The following FAT3 variants were observed in gnomAD, a reference collection of about 807,000 sequenced individuals.
The protein encoded by FAT3 is FAT atypical cadherin 3.
In FAT3, 95 loss-of-function variants were observed where a neutral mutation model predicts 310.2. The observed-to-expected ratio is 0.31, with a 90% confidence interval of 0.26 to 0.36. The LOEUF is 0.36. FAT3 is among the 10% of genes least tolerant of loss of function. FAT3 has a pLI of 1.00. For synonymous variants in FAT3, 2,314 were observed against 2,192.9 expected, an observed-to-expected ratio of 1.06 and a Z score of -1.54; for missense variants, 5,408 against 5,715.6, an observed-to-expected ratio of 0.95 and a Z score of 1.74.
At chr11:92,257,512 G>A (rs983570694) in intron 1 of FAT3, among the ~76,000 whole-genome samples, 1 of 151,996 alleles carries the variant, frequency 6.6e-6, no homozygotes, top group African/African-American at 2.4e-5. Context: ...CAAAATTTTA[G>A]GCAGGAAAAA....
chr11:92,527,439 C>T (rs893611997), intron 3 of FAT3, among the ~76,000 whole-genome samples: 2 of 152,162 alleles, frequency 1.3e-5, no homozygotes, highest in Non-Finnish European at 2.9e-5. Flanking sequence ...TAGTTACAGT[C>T]ATTTAATCTC....
chr11:92,555,973 T>C (rs1432707265), intron 3 of FAT3, among the ~76,000 whole-genome samples: 1 of 152,168 alleles, frequency 6.6e-6, no homozygotes, highest in African/African-American at 2.4e-5. Context: ...GTCTGCTCGG[T>C]TTAAAAATAG....
intron 11 of FAT3, among the ~76,000 whole-genome samples, chr11:92,805,911 A>G (rs528659200): frequency 6.9e-4 from 105 of 152,350 alleles, no homozygotes; most frequent in African/African-American, 2.4e-3. Flanking sequence ...TTGGTGTCCT[A>G]TAGATTAGAA....
chr11:92,661,176 A>G (rs1942767824), intron 3 of FAT3, among the ~76,000 whole-genome samples: 3 of 152,230 alleles, frequency 2.0e-5, no homozygotes, highest in South Asian at 2.1e-4. Flanking sequence ...GGGGTGAGCC[A>G]GCAGAAGAAG....
intron 3 of FAT3, among the ~76,000 whole-genome samples, chr11:92,658,699 C>T (rs1942667926): frequency 6.6e-6 from 1 of 152,106 alleles, no homozygotes; most frequent in Admixed American, 6.6e-5. Flanking sequence ...ATTTGCTATG[C>T]CACGTGTTTT....
At chr11:92,519,922 AG>A (rs1953627975) in intron 2 of FAT3, among the ~76,000 whole-genome samples, 1 of 152,172 alleles carries the variant, frequency 6.6e-6, no homozygotes, top group Non-Finnish European at 1.5e-5. Flanking sequence ...ATTCACTGCC[AG>A]TGGGAATGTG....
chr11:92,740,594 C>A (rs1001232668), intron 4 of FAT3, among the ~76,000 whole-genome samples: 1 of 152,112 alleles, frequency 6.6e-6, no homozygotes, highest in African/African-American at 2.4e-5. Context: ...AAAAAAAATT[C>A]TTTTAGGAGA....
intron 2 of FAT3, among the ~76,000 whole-genome samples, chr11:92,415,749 CT>C (rs1950394192): frequency 6.6e-6 from 1 of 151,498 alleles, no homozygotes; most frequent in Non-Finnish European, 1.5e-5. Flanking sequence ...AAATGGGGAC[CT>C]GAAATGTACT....
intron 3 of FAT3, among the ~76,000 whole-genome samples, chr11:92,597,297 G>C (rs1939761232): frequency 1.3e-5 from 2 of 152,104 alleles, no homozygotes; most frequent in Non-Finnish European, 1.5e-5. Context: ...CAAGTGACAG[G>C]CATTTTCTAA....
At chr11:92,565,582 CA>C (rs1170284557) in intron 3 of FAT3, among the ~76,000 whole-genome samples, 1 of 151,330 alleles carries the variant, frequency 6.6e-6, no homozygotes, top group Non-Finnish European at 1.5e-5. Context: ...GAGAAACAAC[CA>C]AAAAAGAGAA....
chr11:92,325,694 T>C (rs1390736213), intron 1 of FAT3, among the ~76,000 whole-genome samples: 1 of 152,214 alleles, frequency 6.6e-6, no homozygotes, highest in Non-Finnish European at 1.5e-5. Context: ...TGCAGTGGTA[T>C]GATCTTGGCT....
At chr11:92,256,280 T>TACACTATTTAATCTAC (rs1297772216) in intron 1 of FAT3, among the ~76,000 whole-genome samples, 1 of 151,874 alleles carries the variant, frequency 6.6e-6, no homozygotes, top group Non-Finnish European at 1.5e-5. Context: ...TAAACGAGTA[T>TACACTATTTAATCTAC]ACACTATTTA....
chr11:92,257,471 G>C (rs1865363527), intron 1 of FAT3, among the ~76,000 whole-genome samples: 1 of 152,062 alleles, frequency 6.6e-6, no homozygotes, highest in African/African-American at 2.4e-5. Flanking sequence ...TCTTGGGTCG[G>C]ACATAATTAC....
At chr11:92,445,557 G>GTAATAA (rs1951188713) in intron 2 of FAT3, among the ~76,000 whole-genome samples, 3 of 152,128 alleles carry the variant, frequency 2.0e-5, no homozygotes, top group Admixed American at 2.0e-4. Context: ...ATGGTCCACT[G>GTAATAA]TGACTCACCC....
intron 1 of FAT3, among the ~76,000 whole-genome samples, chr11:92,341,075 G>A (rs1370636437): frequency 6.6e-6 from 1 of 152,192 alleles, no homozygotes; most frequent in Non-Finnish European, 1.5e-5. Context: ...ATTTGTGGTT[G>A]CCTTGGGATA....
intron 22 of FAT3, among the ~76,000 whole-genome samples, chr11:92,871,588 C>T (rs1949394278): frequency 1.3e-5 from 2 of 152,134 alleles, no homozygotes; most frequent in Admixed American, 6.5e-5. Flanking sequence ...TTAAATGACA[C>T]CTTGTTATAG....
Position 92,793,276 on chromosome 11 carries a change from C to T in FAT3, c.4822+299C>T, listed in dbSNP as rs1947083570. ...AAATTTAGTGGCTTTTACCTGTGGA[C>T]CAACAAGCCAGGGCCTCAGACTAAA... On this transcript the variant is annotated intron_variant, in intron 9 of 27. Coordinates refer to ENST00000525166, the MANE Select transcript of FAT3 (RefSeq NM_001367949.2). 2.0e-5 allele frequency among the ~76,000 whole-genome samples: 3 copies of T among 152,214 alleles called. No homozygotes were observed. The South Asian group carries it at 6.2e-4, about 32-fold the overall frequency.
At chr11:92,256,971 C>T (rs1283116052) in intron 1 of FAT3, among the ~76,000 whole-genome samples, 1 of 151,988 alleles carries the variant, frequency 6.6e-6, no homozygotes, top group Non-Finnish European at 1.5e-5. Flanking sequence ...GCAACATGTC[C>T]TATGTTGATG....
rs189941500 is a variant in FAT3, at chr11:92,600,993, C to T, written c.3607+76045C>T. Among the ~76,000 whole-genome samples the T allele has an allele frequency of 2.9e-3, 437 of 152,132 alleles. 2 individuals carry two copies. Among genetic ancestry groups the T allele is most frequent in the African/African-American group, 0.01 (415 of 41,500 alleles). Reference sequence around the variant, plus strand: ...AGGTCTTGAGGCTGGAGCAAACTTACGGACCAGAGCAAAGGCCTCTGAGAC... The same window carrying T: ...AGGTCTTGAGGCTGGAGCAAACTTATGGACCAGAGCAAAGGCCTCTGAGAC... On this transcript the variant is annotated intron_variant, in intron 3 of 27. Transcript: ENST00000525166.
Sources: allele counts gnomAD v4.1 joint callset (sites outside exome capture counted in the v4.1 genomes callset), GRCh38; gene constraint gnomAD v4.1.1; transcripts MANE v1.5; gene names NCBI Gene and HGNC (gene_info 2026-07-23, HGNC 2026-07-21).